MYT1L: variants seen among roughly 807,000 people sequenced by gnomAD.
The protein encoded by MYT1L is myelin transcription factor 1-like protein.
In MYT1L, 12 loss-of-function variants were observed where a neutral mutation model predicts 126.7. That is an observed-to-expected ratio of 0.09 (90% CI 0.06 to 0.15). MYT1L has a LOEUF of 0.15. Among genes scored for constraint, MYT1L ranks in the 10% least tolerant of loss-of-function variants. The pLI is 1.00. For missense variants in MYT1L, 979 were observed against 1,585.2 expected (o/e 0.62, Z 6.49); for synonymous variants, 541 against 604.2 (o/e 0.90, Z 1.53).
At chr2:1,851,914 C>T (rs4286314) in intron 18 of MYT1L, among the ~76,000 whole-genome samples, 1 of 151,856 alleles carries the variant, frequency 6.6e-6, no homozygotes, top group Non-Finnish European at 1.5e-5. Context: ...GTGGCTGCTC[C>T]GCTCCCCACA....
chr2:2,244,372 CATAA>C (rs1240393208), intron 2 of MYT1L, among the ~76,000 whole-genome samples: 1 of 152,116 alleles, frequency 6.6e-6, no homozygotes, highest in African/African-American at 2.4e-5. Flanking sequence ...ATAATAATCT[CATAA>C]ATAAAAAATG....
chr2:2,222,353 G>T (rs73177831), intron 2 of MYT1L, among the ~76,000 whole-genome samples: 1 of 151,984 alleles, frequency 6.6e-6, no homozygotes, highest in Non-Finnish European at 1.5e-5. Flanking sequence ...TTAGCCAGGT[G>T]TGGTGGAGGG....
At chr2:2,211,807 A>AG (rs761609526) in intron 2 of MYT1L, among the ~76,000 whole-genome samples, 23,269 of 149,312 alleles carry the variant, frequency 0.16, 2,000 homozygotes, top group African/African-American at 0.21. Context: ...CCATGTCAAA[A>AG]AAAAAAAAAA....
chr2:2,190,340 AG>A (rs916426537), intron 2 of MYT1L, among the ~76,000 whole-genome samples: 4 of 151,978 alleles, frequency 2.6e-5, no homozygotes, highest in Non-Finnish European at 5.9e-5. Flanking sequence ...CTGTAGTCCC[AG>A]CTACTCGGGA....
intron 2 of MYT1L, among the ~76,000 whole-genome samples, chr2:2,206,206 G>A (rs951212575): frequency 1.3e-5 from 2 of 151,992 alleles, no homozygotes; most frequent in Non-Finnish European, 2.9e-5. Context: ...TCGAACTCCC[G>A]ATCTCAGATG....
At chr2:2,030,099 T>C (rs574029009) in intron 4 of MYT1L, among the ~76,000 whole-genome samples, 3 of 152,200 alleles carry the variant, frequency 2.0e-5, no homozygotes, top group Non-Finnish European at 4.4e-5. Context: ...TTTGTTTGTT[T>C]AGTTTGTTTG....
chr2:1,829,188 G>A (rs1234690386), intron 21 of MYT1L, among the ~76,000 whole-genome samples: 2 of 152,016 alleles, frequency 1.3e-5, no homozygotes, highest in Non-Finnish European at 2.9e-5. Context: ...GCACTCCCTG[G>A]TTCCTTCTCC....
At chr2:2,052,457 G>A (rs181700470) in intron 4 of MYT1L, among the ~76,000 whole-genome samples, 8 of 152,246 alleles carry the variant, frequency 5.3e-5, no homozygotes, top group Admixed American at 4.6e-4. Context: ...TTAAAACAAC[G>A]AAATGTTTGT....
intron 3 of MYT1L, among the ~76,000 whole-genome samples, chr2:2,145,968 C>T (rs2084818164): frequency 6.6e-6 from 1 of 152,106 alleles, no homozygotes; most frequent in Non-Finnish European, 1.5e-5. Context: ...GAAGTGTTCC[C>T]CCCGATCTCA....
At chr2:2,285,985 C>G (rs1178226983) in intron 1 of MYT1L, among the ~76,000 whole-genome samples, 1 of 142,250 alleles carries the variant, frequency 7.0e-6, no homozygotes, top group African/African-American at 2.4e-5. Context: ...TCTTCTTCTT[C>G]TTCCTTTTTT....
rs1045844991 is a variant in MYT1L at position 2,224,756 on chromosome 2, T to C, written c.-420-51768A>G. Among the ~76,000 whole-genome samples the C allele has an allele frequency of 2.0e-5, 3 of 151,836 alleles. No homozygotes were observed. The highest frequency in any genetic ancestry group is 2.9e-5 in the Non-Finnish European group (2 of 67,984). On this transcript the variant is annotated intron_variant, in intron 2 of 24. Coordinates refer to ENST00000647738, the MANE Select transcript of MYT1L (RefSeq NM_001303052.2). This position sits in a 1 kb window ranked among gnomAD's most constrained non-coding sequence, Gnocchi z 4.0. The stretch of plus-strand genomic sequence containing the variant: ...ATGACATGAACCCGGGAGGCGGAGC[T>C]TGCAGGGAGCTGAGATTGAGCCACT...
In MYT1L at chr2:2,172,955, T is replaced by A. The variant is rs193116231; in HGVS notation, c.-387A>T. ...CCAGGGTTTGAAGATGCCCACTGGA[T>A]AGGAATTCACCAATTCTCCTCTGAG... On this transcript the variant is annotated 5_prime_UTR_variant, in exon 3 of 25. Transcript: ENST00000647738. The A allele has an allele frequency of 6.6e-6, 1 of 152,280 alleles. No individual in the cohort carries two copies. Among genetic ancestry groups the A allele is most frequent in the South Asian group, 2.1e-4 (1 of 4,834 alleles). 9.4% of individuals were successfully genotyped at this position (152,280 alleles called of 1,614,324 possible).
At chr2:1,999,007 G>A (rs895329281) in intron 4 of MYT1L, among the ~76,000 whole-genome samples, 11 of 152,182 alleles carry the variant, frequency 7.2e-5, no homozygotes, top group Admixed American at 6.5e-5. Flanking sequence ...AATCTTCAAC[G>A]CGTAAACAAT....
chr2:1,981,841 A>G (rs765623759), intron 5 of MYT1L, among the ~76,000 whole-genome samples: 1 of 152,226 alleles, frequency 6.6e-6, no homozygotes, highest in Admixed American at 6.5e-5. Context: ...TGGCCTCAAC[A>G]GCATCTGTGG....
At chr2:1,924,866 A>T (rs148941971) in intron 9 of MYT1L, among the ~76,000 whole-genome samples, 110 of 152,366 alleles carry the variant, frequency 7.2e-4, no homozygotes, top group African/African-American at 2.5e-3. Context: ...AATCTCCAAC[A>T]TACCCCTTGC....
chr2:2,144,190 A>G (rs972707894), intron 3 of MYT1L, among the ~76,000 whole-genome samples: 2 of 152,136 alleles, frequency 1.3e-5, no homozygotes, highest in Admixed American at 6.5e-5. Context: ...TTAGGCCGTC[A>G]GGTGGGGGTG....
intron 3 of MYT1L, among the ~76,000 whole-genome samples, chr2:2,151,515 G>A (rs2085777478): frequency 6.6e-6 from 1 of 152,050 alleles, no homozygotes; most frequent in Non-Finnish European, 1.5e-5. Flanking sequence ...GCTGAGTCCA[G>A]CATTGAAAAA....
intron 4 of MYT1L, among the ~76,000 whole-genome samples, chr2:2,006,428 T>G (rs1367152223): frequency 6.6e-6 from 1 of 152,212 alleles, no homozygotes; most frequent in Non-Finnish European, 1.5e-5. Context: ...ATAATTTTAT[T>G]AACTTTAGTT....
chr2:1,983,281 T>C (rs1479449469), intron 5 of MYT1L, among the ~76,000 whole-genome samples: 2 of 152,148 alleles, frequency 1.3e-5, no homozygotes, highest in African/African-American at 4.8e-5. Context: ...AGGAGATAAT[T>C]TATGAAAGAT....
Sources: allele counts gnomAD v4.1 joint callset (sites outside exome capture counted in the v4.1 genomes callset), GRCh38; gene constraint gnomAD v4.1.1; non-coding constraint Gnocchi (gnomAD v3.1); transcripts MANE v1.5; gene names NCBI Gene and HGNC (gene_info 2026-07-23, HGNC 2026-07-21).